Variants in IFT74 observed in about 807,000 individuals in gnomAD.
The protein encoded by IFT74 is intraflagellar transport protein 74 homolog.
Under a neutral mutation model 96.7 loss-of-function variants are expected in IFT74, and 92 were observed. That is an observed-to-expected ratio of 0.95 (90% CI 0.80 to 1.13). IFT74 has a LOEUF of 1.13. Ranked by LOEUF, IFT74 falls within the 50% of genes most tolerant of loss-of-function variation. IFT74 has a pLI of 0.00. For missense variants in IFT74, 811 were observed against 698.2 expected, an observed-to-expected ratio of 1.16 and a Z score of -1.82; for synonymous variants, 223 against 213.2, an observed-to-expected ratio of 1.05 and a Z score of -0.40.
intron 19 of IFT74, chr9:27,060,961 CAAAAAAAAAAAAAAA>C (rs752655360): frequency 1.3e-4 from 5 of 38,314 alleles, no homozygotes; most frequent in Middle Eastern, 8.3e-3. Flanking sequence ...GACTCCATCT[CAAAAAAAAAAAAAAA>C]AAAAAAAAAA....
chr9:26,989,432 C>A (rs1827774775), intron 7 of IFT74, among the ~76,000 whole-genome samples: 1 of 152,104 alleles, frequency 6.6e-6, no homozygotes, highest in Non-Finnish European at 1.5e-5. Context: ...ATGTTAATAG[C>A]TAGCTTATTT....
intron 13 of IFT74, among the ~76,000 whole-genome samples, chr9:27,033,062 C>T (rs967188672): frequency 6.6e-6 from 1 of 152,104 alleles, no homozygotes; most frequent in Non-Finnish European, 1.5e-5. Context: ...TCATGGTTTA[C>T]AGTTTAATGT....
At chr9:26,998,112 T>A in intron 8 of IFT74, 9 of 1,613,146 alleles carry the variant, frequency 5.6e-6, no homozygotes, top group Non-Finnish European at 7.6e-6. Flanking sequence ...AAAAAGTATG[T>A]CTGTAGAACT....
chr9:26,996,206 ATCTT>A (rs1173964145), intron 8 of IFT74: 5 of 741,546 alleles, frequency 6.7e-6, no homozygotes, highest in Non-Finnish European at 9.8e-6. Flanking sequence ...GAGATGAGGA[ATCTT>A]TCTTTTACAT....
intron 2 of IFT74, among the ~76,000 whole-genome samples, chr9:26,968,742 G>C (rs1475652663): frequency 1.3e-5 from 2 of 152,026 alleles, no homozygotes; most frequent in African/African-American, 4.8e-5. Flanking sequence ...TTGAGTTTCT[G>C]TTATCAGTTG....
At chr9:27,050,518 T>G (rs1819873701) in intron 16 of IFT74, among the ~76,000 whole-genome samples, 1 of 152,196 alleles carries the variant, frequency 6.6e-6, no homozygotes, top group Non-Finnish European at 1.5e-5. Flanking sequence ...GTTTATGAAC[T>G]AATGGCTTCT....
intron 13 of IFT74, chr9:27,036,487 T>TA (rs1480080912): frequency 6.2e-7 from 1 of 1,613,690 alleles, no homozygotes; most frequent in Admixed American, 1.7e-5. Flanking sequence ...TTGAAAAAAA[T>TA]ACAGGAAGTT....
intron 13 of IFT74, among the ~76,000 whole-genome samples, chr9:27,032,421 T>C (rs1001859502): frequency 6.6e-6 from 1 of 152,202 alleles, no homozygotes; most frequent in South Asian, 2.1e-4. Context: ...TTACCTAGAA[T>C]TTCTGAAACT....
At chr9:27,009,913 C>A (rs761265714) in intron 9 of IFT74, among the ~76,000 whole-genome samples, 18 of 151,298 alleles carry the variant, frequency 1.2e-4, no homozygotes, top group African/African-American at 4.4e-4. Flanking sequence ...ATGATCAAAT[C>A]GGGATAATTA....
chr9:26,993,103 G>A (rs1827960581), intron 8 of IFT74: 1 of 152,028 alleles, frequency 6.6e-6, no homozygotes. Context: ...CAGTTGTCCT[G>A]TAAAAATATA....
At chr9:27,018,464 C>A (rs914892774) in intron 11 of IFT74, among the ~76,000 whole-genome samples, 183 bp from the exon 12 acceptor site, 4 of 152,166 alleles carry the variant, frequency 2.6e-5, no homozygotes, top group Non-Finnish European at 4.4e-5. Context: ...AGGATGGAAT[C>A]TGTGAATGGT....
At chr9:27,050,703 G>C (rs1222508504) in intron 16 of IFT74, among the ~76,000 whole-genome samples, 1 of 145,096 alleles carries the variant, frequency 6.9e-6, no homozygotes, top group Non-Finnish European at 1.5e-5. Context: ...CTTGGACACA[G>C]GAAGGGGGAC....
intron 2 of IFT74, among the ~76,000 whole-genome samples, chr9:26,972,557 T>G (rs558042291): frequency 1.3e-5 from 2 of 152,378 alleles, no homozygotes; most frequent in East Asian, 3.9e-4. Flanking sequence ...TATGAACATC[T>G]GTTTCAGCTC....
intron 8 of IFT74, among the ~76,000 whole-genome samples, chr9:27,001,166 A>G (rs1828462743): frequency 6.6e-6 from 1 of 152,054 alleles, no homozygotes; most frequent in Non-Finnish European, 1.5e-5. Flanking sequence ...ATAATATTCC[A>G]TTGTATATAT....
At chr9:26,978,901 T>C (rs1407544020) in intron 3 of IFT74, among the ~76,000 whole-genome samples, 1 of 152,104 alleles carries the variant, frequency 6.6e-6, no homozygotes, top group African/African-American at 2.4e-5. Flanking sequence ...CATAAGAATA[T>C]ACTATATATT....
rs889530130 is a variant in IFT74, at chr9:26,992,784, C to T, written c.587+2589C>T. On this transcript the variant is annotated intron_variant, in intron 8 of 19. Coordinates refer to ENST00000380062, the MANE Select transcript of IFT74 (RefSeq NM_025103.4). ...TTATTTCTTGTGTTAACCAGATGGC[C>T]AACGTCTCAATAACACAAAGATCTA... Among the ~76,000 whole-genome samples, 3 of 152,194 alleles carry T rather than the reference C, an allele frequency of 2.0e-5. No individual in the cohort carries two copies. The South Asian group carries it at 6.2e-4, about 32-fold the overall frequency.
intron 10 of IFT74, among the ~76,000 whole-genome samples, chr9:27,012,587 C>CA (rs1480784715): frequency 2.0e-5 from 3 of 151,690 alleles, no homozygotes; most frequent in Non-Finnish European, 4.4e-5. Flanking sequence ...GACATGAGTT[C>CA]ATCTCTTTAA....
intron 4 of IFT74, among the ~76,000 whole-genome samples, chr9:26,981,152 T>G (rs2131532412): frequency 6.6e-6 from 1 of 152,328 alleles, no homozygotes; most frequent in South Asian, 2.1e-4. Flanking sequence ...GATTACTTCT[T>G]AAAGTCCCTA....
At chr9:27,020,877 G>A (rs963302514) in intron 12 of IFT74, among the ~76,000 whole-genome samples, 4 of 152,062 alleles carry the variant, frequency 2.6e-5, no homozygotes, top group African/African-American at 9.7e-5. Context: ...CATCAACCAA[G>A]CAGTGTCCAC....
Sources: allele counts gnomAD v4.1 joint callset (sites outside exome capture counted in the v4.1 genomes callset), GRCh38; gene constraint gnomAD v4.1.1; transcripts MANE v1.5; gene names NCBI Gene and HGNC (gene_info 2026-07-23, HGNC 2026-07-21).